The following CADPS variants were observed in gnomAD, a reference collection of about 807,000 sequenced individuals.
CADPS encodes the protein calcium-dependent secretion activator 1.
Under a neutral mutation model 167.3 loss-of-function variants are expected in CADPS, and 57 were observed. The ratio of observed to expected loss-of-function variants is 0.34; its 90% confidence interval spans 0.28 to 0.42. The LOEUF is 0.42. Among genes scored for constraint, CADPS ranks in the 20% least tolerant of loss-of-function variants. The pLI is 1.00. For synonymous variants in CADPS, 676 were observed against 635.3 expected (o/e 1.06, Z -0.96); for missense variants, 1,414 against 1,738.1 (o/e 0.81, Z 3.32).
intron 1 of CADPS, among the ~76,000 whole-genome samples, chr3:62,829,385 T>C (rs1577001430): frequency 1.3e-5 from 2 of 152,244 alleles, no homozygotes; most frequent in East Asian, 3.9e-4. Context: ...TACATGCAAA[T>C]ACTATGCCAT....
intron 3 of CADPS, among the ~76,000 whole-genome samples, chr3:62,663,451 AAGTTTACT>A (rs1473336728): frequency 3.3e-5 from 5 of 152,166 alleles, no homozygotes; most frequent in Non-Finnish European, 5.9e-5. Context: ...ATTCACAGAA[AAGTTTACT>A]AAGGAGCAGT....
intron 3 of CADPS, among the ~76,000 whole-genome samples, chr3:62,737,198 C>A (rs1621290): frequency 0.65 from 99,068 of 151,802 alleles, 34,166 homozygotes; most frequent in African/African-American, 0.88. Context: ...CTAAGTAAAT[C>A]AGTCATACAG....
At chr3:62,644,834 G>A (rs895545536) in intron 6 of CADPS, among the ~76,000 whole-genome samples, 2 of 152,150 alleles carry the variant, frequency 1.3e-5, no homozygotes, top group Admixed American at 6.5e-5. Context: ...ACTGGTTCAG[G>A]TGCCTCCCAC....
Position 62,402,271 on chromosome 3 carries a change from C to T in CADPS, c.3882+810G>A, listed in dbSNP as rs1388725764. On this transcript the variant is annotated intron_variant, in intron 29 of 29. Transcript: ENST00000383710. ...GGGGGGTGCCCAGGAGTGGGTGTTG[C>T]AGGGACTTTTGGCAAACTGTTAAGA... is the stretch of plus-strand genomic sequence containing the variant. Among the ~76,000 whole-genome samples the T allele has an allele frequency of 2.1e-5, 3 of 141,164 alleles. 1 individual carries two copies. The highest frequency in any genetic ancestry group is 5.1e-5 in the African/African-American group (2 of 39,234). The allele number at this position is 141,164 out of a possible 152,430, so 92.6% of individuals were successfully genotyped here.
intron 3 of CADPS, among the ~76,000 whole-genome samples, chr3:62,721,134 T>TTTTTTTTTTTTTTTA (rs1564299138): frequency 3.4e-5 from 4 of 116,214 alleles, no homozygotes; most frequent in Non-Finnish European, 6.8e-5. Context: ...TTTTTTTTTT[T>TTTTTTTTTTTTTTTA]AAAAAAAAAA....
chr3:62,794,711 C>A lies in CADPS; in HGVS notation c.442-28727G>T, dbSNP rs1447017651. ...TCTTTTTTCCCTAAGGATGGGAGGG[C>A]CCCGCGGATACGTTTCTGTGGGCTA... On this transcript the variant is annotated intron_variant, in intron 1 of 29. Coordinates refer to ENST00000383710, the MANE Select transcript of CADPS (RefSeq NM_003716.4). Among the ~76,000 whole-genome samples, 5 of 147,002 alleles carry A rather than the reference C, an allele frequency of 3.4e-5. No homozygotes were observed. In the South Asian group the frequency reaches 8.6e-4, roughly 25 times the overall value.
At chr3:62,645,625 T>C in intron 6 of CADPS, 97 bp downstream of exon 6, 1 of 1,317,624 alleles carries the variant, frequency 7.6e-7, no homozygotes, top group East Asian at 2.4e-5. Flanking sequence ...TCTTCTCGTA[T>C]CTTCTGGGGA....
chr3:62,620,676 T>A (rs1469142809), intron 6 of CADPS, among the ~76,000 whole-genome samples: 1 of 152,020 alleles, frequency 6.6e-6, no homozygotes, highest in Non-Finnish European at 1.5e-5. Context: ...GACTTCAGAG[T>A]CCTTTTTGAA....
chr3:62,794,576 T>G (rs1337142918), intron 1 of CADPS, among the ~76,000 whole-genome samples: 1 of 152,124 alleles, frequency 6.6e-6, no homozygotes, highest in Non-Finnish European at 1.5e-5. Context: ...TTACAGGTAT[T>G]TAGTAAATAA....
At chr3:62,473,012 T>A (rs1401242756) in intron 24 of CADPS, among the ~76,000 whole-genome samples, 2 of 152,206 alleles carry the variant, frequency 1.3e-5, no homozygotes, top group Admixed American at 6.5e-5. Flanking sequence ...TCTGAAATTC[T>A]TGGGTGAGAC....
At chr3:62,590,670 G>A (rs1266116971) in intron 7 of CADPS, among the ~76,000 whole-genome samples, 1 of 152,054 alleles carries the variant, frequency 6.6e-6, no homozygotes, top group Non-Finnish European at 1.5e-5. Context: ...GGAAGCACAG[G>A]AGATGAATTC....
chr3:62,736,475 C>T (rs2079013220), intron 3 of CADPS, among the ~76,000 whole-genome samples: 1 of 152,176 alleles, frequency 6.6e-6, no homozygotes, highest in Non-Finnish European at 1.5e-5. Context: ...AGTTTGCATG[C>T]AATTCTCCTA....
intron 10 of CADPS, among the ~76,000 whole-genome samples, chr3:62,553,177 C>A (rs2077580030): frequency 1.3e-5 from 2 of 152,142 alleles, no homozygotes; most frequent in African/African-American, 4.8e-5. Context: ...CAAGGCCTCC[C>A]CCTCACCCAG....
At chr3:62,811,930 C>T (rs1473745608) in intron 1 of CADPS, among the ~76,000 whole-genome samples, 1 of 152,036 alleles carries the variant, frequency 6.6e-6, no homozygotes, top group Non-Finnish European at 1.5e-5. Flanking sequence ...TTTTATCTAC[C>T]TCAGTGTTTT....
intron 1 of CADPS, among the ~76,000 whole-genome samples, chr3:62,786,844 A>T (rs956767647): frequency 6.6e-6 from 1 of 152,250 alleles, no homozygotes; most frequent in Non-Finnish European, 1.5e-5. Flanking sequence ...ACTAGAAAAG[A>T]CAGCAATTTG....
intron 1 of CADPS, among the ~76,000 whole-genome samples, chr3:62,839,943 G>A (rs1352785359): frequency 1.3e-5 from 2 of 152,146 alleles, no homozygotes; most frequent in African/African-American, 4.8e-5. Flanking sequence ...TCACCATCTG[G>A]GAGGGAGAGC....
At chr3:62,486,524 T>A (rs995091122) in intron 21 of CADPS, among the ~76,000 whole-genome samples, 2 of 151,612 alleles carry the variant, frequency 1.3e-5, no homozygotes, top group Non-Finnish European at 2.9e-5. Flanking sequence ...TTTATATGCA[T>A]ATCTGAGGCA....
Position 62,478,199 on chromosome 3 carries a change from C to A in CADPS, c.3329+62G>T, listed in dbSNP as rs567846934. The A allele has an allele frequency of 1.3e-6, 2 of 1,567,218 alleles. No homozygotes were observed. The highest frequency in any genetic ancestry group is 2.3e-5 in the South Asian group (2 of 88,804). On this transcript the variant is annotated intron_variant, in intron 23 of 29. Coordinates refer to ENST00000383710, the MANE Select transcript of CADPS (RefSeq NM_003716.4). The surrounding 1 kb of genome is among the most constrained non-coding windows in gnomAD (Gnocchi z 5.7). The stretch of plus-strand genomic sequence containing the variant: ...CCAATTGAAAGAGCAGCCATCTACC[C>A]TTCCCTGAGTCTGTGTATGGTGGGG...
chr3:62,712,051 T>C (rs750278887), intron 3 of CADPS, among the ~76,000 whole-genome samples: 1 of 152,196 alleles, frequency 6.6e-6, no homozygotes. Flanking sequence ...ATATATACAC[T>C]TCTTTAATGA....
Sources: allele counts gnomAD v4.1 joint callset (sites outside exome capture counted in the v4.1 genomes callset), GRCh38; gene constraint gnomAD v4.1.1; non-coding constraint Gnocchi (gnomAD v3.1); transcripts MANE v1.5; gene names NCBI Gene and HGNC (gene_info 2026-07-23, HGNC 2026-07-21).